The following USP33 variants were observed in gnomAD, a reference collection of about 807,000 sequenced individuals.
The protein encoded by USP33 is ubiquitin specific peptidase 33.
Under a neutral mutation model 124.2 loss-of-function variants are expected in USP33, and 46 were observed. The ratio of observed to expected loss-of-function variants is 0.37; its 90% confidence interval spans 0.29 to 0.47. The LOEUF is 0.47. USP33 is among the 20% of genes least tolerant of loss of function. USP33 has a pLI of 0.99. For missense variants in USP33, 851 were observed against 1,070.6 expected (o/e 0.79, Z 2.86); for synonymous variants, 350 against 352.3 (o/e 0.99, Z 0.07).
Position 77,725,830 on chromosome 1 carries a change from A to G in USP33, c.1136-68T>C, listed in dbSNP as rs1028700487. Reference sequence around the variant, plus strand: ...TTATTCTAACTGTCCAATAATGTTAAAGGTTTCTTAATTTGATATTTTGAA... The same window carrying G: ...TTATTCTAACTGTCCAATAATGTTAGAGGTTTCTTAATTTGATATTTTGAA... On this transcript the variant is annotated intron_variant, in intron 10 of 23. Transcript: ENST00000370794. 5 of 1,355,942 alleles carry G rather than the reference A, an allele frequency of 3.7e-6. No homozygotes were observed. In the African/African-American group the frequency reaches 7.4e-5, roughly 20 times the overall value. 84.0% of individuals were successfully genotyped at this position (1,355,942 alleles called of 1,614,324 possible).
At chr1:77,758,001 G>A (rs1031441336) in intron 1 of USP33, among the ~76,000 whole-genome samples, 2 of 152,084 alleles carry the variant, frequency 1.3e-5, no homozygotes, top group South Asian at 4.1e-4. Flanking sequence ...TCATTAAACT[G>A]CAGTTATATA....
In USP33 at chr1:77,719,803, G is replaced by A. The variant is rs150168151; in HGVS notation, c.1692-1162C>T. On this transcript the variant is annotated intron_variant, in intron 15 of 23. Transcript: ENST00000370794. ...CAGAAGGCAGAGGTTGCAGTGAGCC[G>A]AGATCACACCACTGCACTCCAGCCT... is the stretch of plus-strand genomic sequence containing the variant. 6.9e-3 allele frequency among the ~76,000 whole-genome samples: 989 copies of A among 142,384 alleles called. 13 individuals are homozygous for A. The highest frequency in any genetic ancestry group is 0.024 in the African/African-American group (913 of 37,630). 93.4% of individuals were successfully genotyped at this position (142,384 alleles called of 152,430 possible). A position where few individuals can be genotyped will look rare whatever the true frequency, so the allele number is the denominator to read the frequency against.
intron 5 of USP33, among the ~76,000 whole-genome samples, chr1:77,737,498 A>G (rs1383399833): frequency 6.6e-6 from 1 of 152,240 alleles, no homozygotes; most frequent in Non-Finnish European, 1.5e-5. Flanking sequence ...ATGGCCTCCA[A>G]TATTTTACTA....
intron 23 of USP33, 193 bp downstream of exon 23, chr1:77,697,670 T>C (rs1368384761): frequency 1.1e-6 from 1 of 898,852 alleles, no homozygotes; most frequent in South Asian, 1.9e-5. Context: ...TGCTTTTGCT[T>C]TGCTCTTAAC....
intron 1 of USP33, 149 bp downstream of exon 1, chr1:77,759,494 C>G (rs577147030): frequency 6.2e-4 from 248 of 397,012 alleles, no homozygotes; most frequent in Non-Finnish European, 1.0e-3. Flanking sequence ...TTCTTCCCGC[C>G]CGCGAACCCG....
At chr1:77,739,157 A>G (rs565359003) in intron 5 of USP33, 108 bp downstream of exon 5, 53 of 1,311,974 alleles carry the variant, frequency 4.0e-5, no homozygotes, top group South Asian at 2.7e-4. Context: ...AGAAATTTTC[A>G]AAGTACAGGT....
At chr1:77,703,930 G>GA (rs1674323524) in intron 21 of USP33, among the ~76,000 whole-genome samples, 1 of 152,006 alleles carries the variant, frequency 6.6e-6, no homozygotes, top group South Asian at 2.1e-4. Flanking sequence ...TGATGTGGGG[G>GA]ATCTCTTGAG....
At chr1:77,728,813 T>C in intron 9 of USP33, 101 bp from the exon 10 acceptor site, 1 of 1,264,042 alleles carries the variant, frequency 7.9e-7, no homozygotes, top group Non-Finnish European at 1.1e-6. Context: ...TATATGAAGG[T>C]ACAGCACTAT....
chr1:77,697,169 T>C lies in USP33; in HGVS notation c.*148A>G. The C allele has an allele frequency of 1.4e-6, 1 of 710,168 alleles. No homozygotes were observed. The highest frequency in any genetic ancestry group is 2.2e-6 in the Non-Finnish European group (1 of 444,646). The allele number at this position is 710,168 out of a possible 1,614,324, so 44.0% of individuals were successfully genotyped here. A position where few individuals can be genotyped will look rare whatever the true frequency, so the allele number is the denominator to read the frequency against. ...GTATATTACACATTTTAATATATTCTTCCATAATGCCCACTAAGAAGAAAT... is the reference window on the plus strand; with the variant it reads ...GTATATTACACATTTTAATATATTCCTCCATAATGCCCACTAAGAAGAAAT... On this transcript the variant is annotated 3_prime_UTR_variant, in exon 24 of 24. Coordinates refer to ENST00000370794, the MANE Select transcript of USP33 (RefSeq NM_201624.3).
At chr1:77,704,433 C>T (rs1211727578) in intron 21 of USP33, among the ~76,000 whole-genome samples, 1 of 152,170 alleles carries the variant, frequency 6.6e-6, no homozygotes, top group East Asian at 1.9e-4. Flanking sequence ...ACTTTCAGGA[C>T]TTACTTTATC....
At chr1:77,748,333 A>G (rs1308648850) in intron 1 of USP33, among the ~76,000 whole-genome samples, 1 of 152,152 alleles carries the variant, frequency 6.6e-6, no homozygotes, top group Non-Finnish European at 1.5e-5. Flanking sequence ...GACATTTAGG[A>G]TATTTGCTGT....
chr1:77,728,515 A>C lies in USP33; in HGVS notation c.915T>G (p.Ser305=), dbSNP rs375102908. ...NSDRAENENG[S]RCFSEDNNET... ...CATTATTATCTTCAGAAAAGCATCT[A>C]GAGCCATTTTCATTTTCTGCTCTAT... is the stretch of plus-strand genomic sequence containing the variant. The change falls in exon 10 of 24, where the codon TCT becomes TCG. Residue 305 remains serine (S), a synonymous_variant. Transcript: ENST00000370794. 8.1e-6 allele frequency: 13 copies of C among 1,614,052 alleles called. No individual in the cohort carries two copies. The highest frequency in any genetic ancestry group is 1.1e-5 in the Non-Finnish European group (13 of 1,180,028).
chr1:77,739,220 T>G, intron 5 of USP33, 45 bp downstream of exon 5: 1 of 1,561,652 alleles, frequency 6.4e-7, no homozygotes, highest in South Asian at 1.2e-5. Context: ...CTGAAATTAT[T>G]ACCGGAATGT....
intron 20 of USP33, among the ~76,000 whole-genome samples, chr1:77,712,605 A>G (rs1385018205): frequency 6.6e-6 from 1 of 152,194 alleles, no homozygotes. Context: ...GGGAGGCCAA[A>G]GCAGCCACAT....
chr1:77,752,977 G>A (rs1680478238), intron 1 of USP33, among the ~76,000 whole-genome samples: 1 of 152,084 alleles, frequency 6.6e-6, no homozygotes, highest in Non-Finnish European at 1.5e-5. Flanking sequence ...TAGCTGGGAG[G>A]CTGAGGCATG....
At position 77,733,473 on chromosome 1, in the gene USP33, T is replaced by C. The variant is rs560382816; in HGVS notation, c.524+874A>G. ...TAATAAAAATTAGGTTATCTTTATT[T>C]CACAAGGTTATGAAACATAAGAAAA... On this transcript the variant is annotated intron_variant, in intron 7 of 23. Coordinates refer to ENST00000370794, the MANE Select transcript of USP33 (RefSeq NM_201624.3). Among the ~76,000 whole-genome samples the C allele has an allele frequency of 3.9e-5, 6 of 152,228 alleles. No homozygotes were observed. The East Asian group carries it at 1.2e-3, about 29-fold the overall frequency.
intron 1 of USP33, chr1:77,745,750 T>C (rs1679679045): frequency 6.6e-6 from 1 of 152,150 alleles, no homozygotes; most frequent in African/African-American, 2.4e-5. Flanking sequence ...CACAACTACA[T>C]GGAAACTGAA....
Position 77,718,861 on chromosome 1 carries a change from G to A in USP33, c.1692-220C>T, listed in dbSNP as rs541278216. The A allele has an allele frequency of 4.1e-5, 18 of 436,142 alleles. No homozygotes were observed. In the Admixed American group the frequency reaches 4.5e-4, roughly 11 times the overall value. 27.0% of individuals were successfully genotyped at this position (436,142 alleles called of 1,614,324 possible). On this transcript the variant is annotated intron_variant, in intron 15 of 23. Transcript: ENST00000370794. The stretch of plus-strand genomic sequence containing the variant: ...GGAGAATCACTTGAACCCGGGACAC[G>A]GAGTTTGCAGAGAGCCAAGATCGCA...
rs1429069963 is a variant in USP33 at position 77,737,660 on chromosome 1, T to C, written c.352-1502A>G. Among the ~76,000 whole-genome samples, 4 of 152,356 alleles carry C rather than the reference T, an allele frequency of 2.6e-5. No individual in the cohort carries two copies. In the East Asian group the frequency reaches 7.7e-4, roughly 29 times the overall value. ...AATGAAATTAAGTTTATGCCTTTTA[T>C]GTGTTAACATATTTACAAGTCATCA... On this transcript the variant is annotated intron_variant, in intron 5 of 23. Transcript: ENST00000370794.
Sources: allele counts gnomAD v4.1 joint callset (sites outside exome capture counted in the v4.1 genomes callset), GRCh38; gene constraint gnomAD v4.1.1; transcripts MANE v1.5; gene names NCBI Gene and HGNC (gene_info 2026-07-23, HGNC 2026-07-21).